NCKAP5: variants seen among roughly 807,000 people sequenced by gnomAD.
NCKAP5 encodes NCK associated protein 5, also known as nck-associated protein 5.
In NCKAP5, 92 loss-of-function variants were observed where a neutral mutation model predicts 167.0. The observed-to-expected ratio is 0.55, with a 90% CI of 0.47 to 0.66. The LOEUF (loss-of-function observed/expected upper bound fraction) is 0.66, where lower values mean the gene tolerates loss of function less well. Among genes scored for constraint, NCKAP5 ranks in the 30% least tolerant of loss-of-function variants. The probability of loss-of-function intolerance (pLI) is 0.00; values close to 1 mark genes in which losing one functional copy is unlikely to be tolerated. For missense variants in NCKAP5, 2,378 were observed against 2,315.0 expected (o/e 1.03, Z -0.56); for synonymous variants, 891 against 877.4 (o/e 1.02, Z -0.27).
intron 4 of NCKAP5, among the ~76,000 whole-genome samples, chr2:133,240,951 A>T (rs1301841583): frequency 2.0e-5 from 3 of 152,208 alleles, no homozygotes; most frequent in Non-Finnish European, 4.4e-5. Flanking sequence ...TAAAAGAAAA[A>T]ACAATTTTGC....
intron 11 of NCKAP5, among the ~76,000 whole-genome samples, chr2:132,836,523 G>T (rs1324937821): frequency 6.6e-6 from 1 of 151,002 alleles, no homozygotes; most frequent in Non-Finnish European, 1.5e-5. Context: ...TCAGTAACAC[G>T]TTCCATATTC....
At chr2:133,404,878 T>G (rs565788233) in intron 3 of NCKAP5, among the ~76,000 whole-genome samples, 1 of 152,324 alleles carries the variant, frequency 6.6e-6, no homozygotes, top group Non-Finnish European at 1.5e-5. Context: ...CTTCCAACTT[T>G]TCCTCCGTCT....
intron 7 of NCKAP5, among the ~76,000 whole-genome samples, chr2:132,976,120 G>A (rs941928082): frequency 2.0e-5 from 3 of 152,100 alleles, no homozygotes; most frequent in African/African-American, 7.2e-5. Flanking sequence ...AGTGAAATAA[G>A]CCAGGTACAG....
chr2:133,382,549 C>T (rs1313124390), intron 3 of NCKAP5, among the ~76,000 whole-genome samples: 1 of 152,176 alleles, frequency 6.6e-6, no homozygotes. Context: ...TCCCCTGCTC[C>T]TCATAATTCC....
chr2:132,958,008 C>A (rs1007228006), intron 8 of NCKAP5, among the ~76,000 whole-genome samples: 4 of 152,154 alleles, frequency 2.6e-5, no homozygotes, highest in African/African-American at 9.7e-5. Flanking sequence ...AGTCCCCGTT[C>A]TGAAGGCTCC....
At chr2:133,669,374 G>T in the NCKAP5 span, among the ~76,000 whole-genome samples, 12 of 152,070 alleles carry the variant, frequency 7.9e-5, no homozygotes, top group Admixed American at 6.5e-4. Flanking sequence ...ATTTTCAGAG[G>T]TCTTTACTCC....
rs759336860 is a variant in NCKAP5 at position 132,963,890 on chromosome 2, T to C, written c.430-21A>G. 10 of 1,612,376 alleles carry C rather than the reference T, an allele frequency of 6.2e-6. No individual in the cohort carries two copies. In the African/African-American group the frequency reaches 1.1e-4, roughly 17 times the overall value. On this transcript the variant is annotated intron_variant, in intron 7 of 19. Transcript: ENST00000409261. ...TTTTCCTGAAGCAAGAAAGAATTAC[T>C]GTTTTCAATAATCTCCAGTGAAAAA...
intron 3 of NCKAP5, among the ~76,000 whole-genome samples, chr2:133,505,729 C>A (rs578009870): frequency 6.6e-6 from 1 of 152,340 alleles, no homozygotes; most frequent in South Asian, 2.1e-4. Flanking sequence ...GCTCTCTCCA[C>A]TGCATTACAG....
At chr2:133,425,486 A>T (rs1399265471) in intron 3 of NCKAP5, among the ~76,000 whole-genome samples, 1 of 152,242 alleles carries the variant, frequency 6.6e-6, no homozygotes, top group Non-Finnish European at 1.5e-5. Flanking sequence ...AGAGCATTTC[A>T]GGCCTAGATA....
intron 3 of NCKAP5, among the ~76,000 whole-genome samples, chr2:133,481,236 T>C (rs1390715951): frequency 6.6e-6 from 1 of 152,184 alleles, no homozygotes. Flanking sequence ...ATTCACGGTG[T>C]TTCTGCCAAT....
rs1683001760 is a variant in NCKAP5, at chr2:132,781,185, T to C, written c.4916A>G (p.Asn1639Ser). The change falls in exon 15 of 20, where the codon AAT (asparagine) becomes AGT (serine). Residue 1639 changes from asparagine to serine, a missense_variant. Asn to Ser is a conservative substitution (Grantham distance 46). Coordinates refer to ENST00000409261, the MANE Select transcript of NCKAP5 (RefSeq NM_207363.3). Reference protein sequence around the residue: ...AAPQTESGSSNASCRNVLKGS... With the variant: ...AAPQTESGSSSASCRNVLKGS... ...CTTTAACACATTCCTGCAGGAAGCA[T>C]TACTTGATCCACTTTCTGTCTGTGG... 6.2e-7 allele frequency: 1 copy of C among 1,613,820 alleles called. No individual in the cohort carries two copies. The highest frequency in any genetic ancestry group is 1.3e-5 in the African/African-American group (1 of 74,926).
At chr2:133,030,900 C>T (rs1365640652) in intron 6 of NCKAP5, among the ~76,000 whole-genome samples, 2 of 152,246 alleles carry the variant, frequency 1.3e-5, no homozygotes, top group Admixed American at 6.5e-5. Flanking sequence ...CCTTCCTTGG[C>T]TTGTGGCTGC....
Position 133,228,329 on chromosome 2 carries a change from G to A in NCKAP5, c.144-14550C>T, listed in dbSNP as rs921666606. Among the ~76,000 whole-genome samples the A allele has an allele frequency of 2.0e-4, 30 of 151,874 alleles. 1 individual carries two copies. Among genetic ancestry groups the A allele is most frequent in the African/African-American group, 5.6e-4 (23 of 41,326 alleles). ...TTGGACCTGTAGCAAAAAAATAACCGGATCTCTTTTTGTTTTTGGAACTCA... is the reference window on the plus strand; with the variant it reads ...TTGGACCTGTAGCAAAAAAATAACCAGATCTCTTTTTGTTTTTGGAACTCA... On this transcript the variant is annotated intron_variant, in intron 4 of 19. Coordinates refer to ENST00000409261, the MANE Select transcript of NCKAP5 (RefSeq NM_207363.3).
intron 13 of NCKAP5, 146 bp downstream of exon 13, chr2:132,789,877 T>C (rs1044718181): frequency 1.5e-5 from 10 of 688,562 alleles, no homozygotes; most frequent in African/African-American, 7.2e-5. Context: ...ATAGCATTGA[T>C]GAAAGGATGT....
At chr2:133,046,923 C>T (rs1559084405) in intron 6 of NCKAP5, among the ~76,000 whole-genome samples, 2 of 151,846 alleles carry the variant, frequency 1.3e-5, no homozygotes, top group South Asian at 2.1e-4. Flanking sequence ...CTTGAACCTG[C>T]CTTTCCTGTC....
At chr2:133,481,859 T>C (rs1449182026) in intron 3 of NCKAP5, among the ~76,000 whole-genome samples, 6 of 152,176 alleles carry the variant, frequency 3.9e-5, no homozygotes, top group Non-Finnish European at 8.8e-5. Flanking sequence ...GTTGATTCCG[T>C]GTCTTTGCTT....
chr2:133,151,518 G>A (rs541350280), intron 5 of NCKAP5, among the ~76,000 whole-genome samples: 2 of 152,138 alleles, frequency 1.3e-5, no homozygotes, highest in South Asian at 4.1e-4. Flanking sequence ...GTACGCAGAG[G>A]GCAAGTAAAA....
intron 19 of NCKAP5, among the ~76,000 whole-genome samples, chr2:132,675,841 TAA>T (rs554167462): frequency 8.5e-5 from 12 of 140,640 alleles, no homozygotes; most frequent in East Asian, 2.0e-4. Context: ...GACCATTATT[TAA>T]AAAAAAAAAA....
In NCKAP5 at chr2:133,108,276, A is replaced by G. The variant is rs186975451; in HGVS notation, c.341+21702T>C. ...GCATTCCAGATAAGGACGGATAAGC[A>G]CTGAATAAGAGAGAAATGCTAGAGG... On this transcript the variant is annotated intron_variant, in intron 6 of 19. Transcript: ENST00000409261. Among the ~76,000 whole-genome samples, 925 of 152,302 alleles carry G rather than the reference A, an allele frequency of 6.1e-3. 6 individuals are homozygous for G. Among genetic ancestry groups the G allele is most frequent in the Non-Finnish European group, 0.01 (699 of 68,018 alleles).
Sources: allele counts gnomAD v4.1 joint callset (sites outside exome capture counted in the v4.1 genomes callset), GRCh38; gene constraint gnomAD v4.1.1; transcripts MANE v1.5; gene names NCBI Gene and HGNC (gene_info 2026-07-23, HGNC 2026-07-21).